Variants in TNKS observed in about 807,000 individuals in gnomAD.
TNKS encodes the protein tankyrase, also known as poly [ADP-ribose] polymerase tankyrase-1.
In TNKS, 72 loss-of-function variants were observed where a neutral mutation model predicts 135.8. That is an observed-to-expected ratio of 0.53 (90% confidence interval 0.44 to 0.64). The LOEUF is 0.64. Among genes scored for constraint, TNKS ranks in the 30% least tolerant of loss-of-function variants. TNKS has a pLI of 0.00. For synonymous variants in TNKS, 849 were observed against 649.3 expected (o/e 1.31, Z -4.68); for missense variants, 1,769 against 1,674.0 (o/e 1.06, Z -0.99).
At chr8:9,710,676 C>G (rs1804281331) in intron 11 of TNKS, among the ~76,000 whole-genome samples, 1 of 152,136 alleles carries the variant, frequency 6.6e-6, no homozygotes, top group South Asian at 2.1e-4. Context: ...GCAGGTGGAT[C>G]ACGAGGTCAG....
intron 3 of TNKS, among the ~76,000 whole-genome samples, chr8:9,644,636 C>T (rs1008775458): frequency 9.9e-5 from 15 of 152,200 alleles, no homozygotes; most frequent in African/African-American, 3.4e-4. Context: ...AATTGGGTGG[C>T]ATTTCTTTTG....
At chr8:9,579,745 G>T (rs1285042698) in intron 1 of TNKS, among the ~76,000 whole-genome samples, 1 of 152,132 alleles carries the variant, frequency 6.6e-6, no homozygotes. Context: ...CTGTGAGGGT[G>T]TGAGCCACTG....
chr8:9,680,140 A>C (rs574370973), intron 4 of TNKS, among the ~76,000 whole-genome samples, 153 bp downstream of exon 4: 1 of 152,288 alleles, frequency 6.6e-6, no homozygotes, highest in African/African-American at 2.4e-5. Context: ...TTATATCATT[A>C]TTGTATATAA....
In TNKS at chr8:9,746,881, C is replaced by CTTTTTTTTTTTTTTTTTTT. The variant is rs10672387; in HGVS notation, c.2644-1142_2644-1124dup. Among the ~76,000 whole-genome samples, 90 of 117,184 alleles carry CTTTTTTTTTTTTTTTTTTT rather than the reference C, an allele frequency of 7.7e-4. 4 individuals are homozygous for CTTTTTTTTTTTTTTTTTTT. The highest frequency in any genetic ancestry group is 3.2e-3 in the African/African-American group (87 of 27,534). 76.9% of individuals were successfully genotyped at this position (117,184 alleles called of 152,430 possible). On this transcript the variant is annotated intron_variant, in intron 17 of 26. Coordinates refer to ENST00000310430, the MANE Select transcript of TNKS (RefSeq NM_003747.3). ...TCTGAGAGTTTCATACCTACTTAAA[C>CTTTTTTTTTTTTTTTTTTT]TTTTTTTTTTTTTTTTTTTGAGACG...
intron 20 of TNKS, among the ~76,000 whole-genome samples, chr8:9,755,702 T>C (rs1188874394): frequency 2.0e-5 from 3 of 152,212 alleles, no homozygotes; most frequent in Non-Finnish European, 4.4e-5. Context: ...TTAATTCATA[T>C]CTGTTTGGCT....
At chr8:9,683,502 T>G (rs1344784037) in intron 5 of TNKS, among the ~76,000 whole-genome samples, 1 of 152,018 alleles carries the variant, frequency 6.6e-6, no homozygotes, top group African/African-American at 2.4e-5. Context: ...TTTCCTAAAT[T>G]ACTGTATTAT....
At chr8:9,583,028 G>A (rs1291556394) in intron 2 of TNKS, among the ~76,000 whole-genome samples, 3 of 151,946 alleles carry the variant, frequency 2.0e-5, no homozygotes, top group Non-Finnish European at 4.4e-5. Flanking sequence ...TTAGCTGGGT[G>A]TGGTGGCGGG....
chr8:9,653,296 G>T (rs1801211304), intron 3 of TNKS, among the ~76,000 whole-genome samples: 1 of 152,080 alleles, frequency 6.6e-6, no homozygotes, highest in Admixed American at 6.5e-5. Flanking sequence ...GCTGGATCTG[G>T]GGACTCAAAC....
At chr8:9,728,082 C>G (rs1466022199) in intron 13 of TNKS, among the ~76,000 whole-genome samples, 1 of 152,054 alleles carries the variant, frequency 6.6e-6, no homozygotes, top group East Asian at 1.9e-4. Flanking sequence ...TTAAAGCATA[C>G]AGTTTTAAAT....
At chr8:9,773,885 A>G (rs1389903765) in intron 26 of TNKS, among the ~76,000 whole-genome samples, 3 of 152,168 alleles carry the variant, frequency 2.0e-5, no homozygotes, top group Non-Finnish European at 2.9e-5. Flanking sequence ...TGCTAATTTT[A>G]TAGGGAAGTT....
Position 9,707,478 on chromosome 8 carries a change from G to A in TNKS, c.1456+481G>A, listed in dbSNP as rs751319974. 3.0e-4 allele frequency among the ~76,000 whole-genome samples: 46 copies of A among 152,018 alleles called. 1 individual carries two copies. Among genetic ancestry groups the A allele is most frequent in the African/African-American group, 8.7e-4 (36 of 41,382 alleles). ...CATTATTGAGCCCTCCCCATTTCCCGAGCCCTGCAAGGCTGCACAATCATA... is the reference window on the plus strand; with the variant it reads ...CATTATTGAGCCCTCCCCATTTCCCAAGCCCTGCAAGGCTGCACAATCATA... On this transcript the variant is annotated intron_variant, in intron 8 of 26. Coordinates refer to ENST00000310430, the MANE Select transcript of TNKS (RefSeq NM_003747.3).
intron 26 of TNKS, chr8:9,772,493 T>TAATATTATAAAAGA (rs1807970689): frequency 2.2e-6 from 1 of 448,346 alleles, no homozygotes; most frequent in Non-Finnish European, 4.5e-6. Flanking sequence ...TCAAAAATGT[T>TAATATTATAAAAGA]AATATTATAA....
chr8:9,703,965 C>G (rs1803934379), intron 5 of TNKS, among the ~76,000 whole-genome samples: 4 of 152,134 alleles, frequency 2.6e-5, no homozygotes. Flanking sequence ...TAACTTGACT[C>G]AAATTACAAT....
intron 2 of TNKS, among the ~76,000 whole-genome samples, chr8:9,584,908 G>A (rs1701090682): frequency 6.6e-6 from 1 of 152,132 alleles, no homozygotes; most frequent in Admixed American, 6.5e-5. Flanking sequence ...GTGTTCCAAC[G>A]CATGTGGGAT....
At chr8:9,594,553 C>G (rs1798703188) in intron 2 of TNKS, among the ~76,000 whole-genome samples, 1 of 152,150 alleles carries the variant, frequency 6.6e-6, no homozygotes, top group African/African-American at 2.4e-5. Flanking sequence ...CCTGTGTATA[C>G]AATCCATTTT....
At chr8:9,616,802 A>T (rs1283526749) in intron 3 of TNKS, among the ~76,000 whole-genome samples, 1 of 152,154 alleles carries the variant, frequency 6.6e-6, no homozygotes, top group Non-Finnish European at 1.5e-5. Flanking sequence ...AACCTACTTA[A>T]ATTAGTGTAG....
chr8:9,592,800 T>C (rs1798636303), intron 2 of TNKS, among the ~76,000 whole-genome samples: 2 of 152,232 alleles, frequency 1.3e-5, no homozygotes, highest in Non-Finnish European at 2.9e-5. Flanking sequence ...AGTAATTTTC[T>C]ACTTCTTGAT....
intron 1 of TNKS, among the ~76,000 whole-genome samples, chr8:9,562,093 A>G (rs761968242): frequency 6.6e-6 from 1 of 152,136 alleles, no homozygotes; most frequent in African/African-American, 2.4e-5. Context: ...CTGGGATTAC[A>G]GGAGTGACCC....
intron 5 of TNKS, among the ~76,000 whole-genome samples, chr8:9,684,755 T>A (rs552123908): frequency 1.8e-4 from 27 of 152,210 alleles, no homozygotes; most frequent in Middle Eastern, 3.4e-3. Context: ...CAACACTTAA[T>A]ACCTACCATG....
Sources: gnomAD v4.1 joint callset for allele counts (sites outside exome capture counted in the v4.1 genomes callset) on GRCh38, gnomAD v4.1.1 for gene constraint, MANE v1.5 for transcripts, NCBI Gene and HGNC (gene_info 2026-07-23, HGNC 2026-07-21) for gene names.